Variants in SH3RF1 observed in about 807,000 individuals in gnomAD.
SH3RF1 encodes SH3 domain containing ring finger 1.
A neutral mutation model predicts 74.0 loss-of-function variants in SH3RF1; 32 were observed. That is an observed-to-expected ratio of 0.43 (90% CI 0.33 to 0.58). SH3RF1 has a LOEUF of 0.58. Ranked by LOEUF, SH3RF1 falls within the 20% of genes least tolerant of loss-of-function variation. SH3RF1 has a pLI of 0.05. For synonymous variants in SH3RF1, 396 were observed against 439.6 expected, an observed-to-expected ratio of 0.90 and a Z score of 1.24; for missense variants, 954 against 1,130.9, an observed-to-expected ratio of 0.84 and a Z score of 2.24.
chr4:169,156,482 G>A lies in SH3RF1; in HGVS notation c.591C>T (p.Pro197=), dbSNP rs769324625. 6.2e-7 allele frequency: 1 copy of A among 1,613,936 alleles called. No individual in the cohort carries two copies. Among genetic ancestry groups the A allele is most frequent in the Non-Finnish European group, 8.5e-7 (1 of 1,179,866 alleles). ...FVQIIKPLPQ[P]PPQCKALYDF... is the part of the protein sequence containing the mutation. Reference sequence around the variant, plus strand: ...CATAAAGTGCTTTGCACTGAGGTGGGGGCTGAGGTAACGGTTTAATAATCT... The same window carrying A: ...CATAAAGTGCTTTGCACTGAGGTGGAGGCTGAGGTAACGGTTTAATAATCT... The change falls in exon 3 of 12, where the codon CCC becomes CCT. Residue 197 remains proline, a synonymous_variant. Transcript: ENST00000284637.
intron 2 of SH3RF1, among the ~76,000 whole-genome samples, chr4:169,260,947 C>G (rs1731268297): frequency 6.6e-6 from 1 of 152,176 alleles, no homozygotes; most frequent in African/African-American, 2.4e-5. Context: ...ATTAAATATA[C>G]AGCTAAGGAT....
chr4:169,146,233 T>C (rs768836172), intron 4 of SH3RF1, among the ~76,000 whole-genome samples: 1 of 83,434 alleles, frequency 1.2e-5, no homozygotes, highest in Non-Finnish European at 2.5e-5. Context: ...ATATATATAC[T>C]TTTTTTTTTT....
chr4:169,178,702 A>T (rs1734461739), intron 2 of SH3RF1, among the ~76,000 whole-genome samples: 3 of 152,164 alleles, frequency 2.0e-5, no homozygotes, highest in Admixed American at 6.5e-5. Flanking sequence ...CTGAATGTAA[A>T]ACCAGTCCAA....
chr4:169,105,289 T>C (rs542903886), intron 11 of SH3RF1, among the ~76,000 whole-genome samples: 47 of 152,330 alleles, frequency 3.1e-4, no homozygotes, highest in African/African-American at 1.1e-3. Flanking sequence ...ATATAAGATA[T>C]AAAAAGAGTC....
At chr4:169,167,153 T>TA (rs1212184870) in intron 2 of SH3RF1, 1 of 155,068 alleles carries the variant, frequency 6.4e-6, no homozygotes, top group African/African-American at 2.4e-5. Context: ...CTGATAACAT[T>TA]AAAAAATAAA....
intron 2 of SH3RF1, among the ~76,000 whole-genome samples, chr4:169,204,380 T>G (rs751482117): frequency 7.9e-5 from 12 of 152,152 alleles, no homozygotes; most frequent in Non-Finnish European, 1.5e-4. Flanking sequence ...AACAACATAT[T>G]TTTATAATAA....
intron 5 of SH3RF1, among the ~76,000 whole-genome samples, chr4:169,135,637 A>C (rs967689740): frequency 6.6e-6 from 1 of 152,206 alleles, no homozygotes; most frequent in Non-Finnish European, 1.5e-5. Context: ...TGGTATACAC[A>C]GTGCCTAGAA....
intron 6 of SH3RF1, 120 bp downstream of exon 6, chr4:169,129,926 A>C: frequency 1.3e-6 from 1 of 758,042 alleles, no homozygotes; most frequent in Non-Finnish European, 2.2e-6. Flanking sequence ...GATGAAAGAT[A>C]GATACCCACC....
At chr4:169,101,554 G>A (rs2054223) in intron 11 of SH3RF1, among the ~76,000 whole-genome samples, 7,988 of 151,478 alleles carry the variant, frequency 0.053, 242 homozygotes, top group Admixed American at 0.084. Flanking sequence ...ATGACAACAT[G>A]AATGTACTCA....
intron 2 of SH3RF1, among the ~76,000 whole-genome samples, chr4:169,184,883 A>AG (rs1157331533): frequency 6.6e-6 from 1 of 152,214 alleles, no homozygotes; most frequent in African/African-American, 2.4e-5. Context: ...TACACTTGCA[A>AG]GGGATTGTCT....
chr4:169,163,873 T>A (rs944733267), intron 2 of SH3RF1, among the ~76,000 whole-genome samples: 3 of 152,212 alleles, frequency 2.0e-5, no homozygotes, highest in Admixed American at 6.5e-5. Flanking sequence ...TTCACTTGGA[T>A]TTTTATGTCT....
chr4:169,255,614 TACAC>T (rs1192993515), intron 2 of SH3RF1, among the ~76,000 whole-genome samples: 9 of 59,078 alleles, frequency 1.5e-4, no homozygotes, highest in African/African-American at 4.4e-4. Context: ...CACACATACA[TACAC>T]ACATACACAC....
chr4:169,242,016 T>C (rs573809927), intron 2 of SH3RF1, among the ~76,000 whole-genome samples: 2 of 152,316 alleles, frequency 1.3e-5, no homozygotes, highest in East Asian at 3.9e-4. Context: ...AAAGATTATA[T>C]ATATGAACAA....
chr4:169,240,812 T>C (rs1730895551), intron 2 of SH3RF1, among the ~76,000 whole-genome samples: 1 of 152,168 alleles, frequency 6.6e-6, no homozygotes, highest in African/African-American at 2.4e-5. Flanking sequence ...ATTACCATAC[T>C]TATACCGCTT....
At chr4:169,173,745 C>T (rs1221395307) in intron 2 of SH3RF1, among the ~76,000 whole-genome samples, 2 of 152,054 alleles carry the variant, frequency 1.3e-5, no homozygotes, top group African/African-American at 4.8e-5. Context: ...TAACCATTTA[C>T]AAGCTACCTT....
intron 3 of SH3RF1, 110 bp from the exon 4 acceptor site, chr4:169,155,685 A>G: frequency 1.3e-6 from 1 of 782,592 alleles, no homozygotes; most frequent in Non-Finnish European, 2.2e-6. Context: ...GAGTACATGA[A>G]TAAAAATGCT....
At chr4:169,105,807 G>A (rs572009939) in intron 11 of SH3RF1, among the ~76,000 whole-genome samples, 6 of 152,264 alleles carry the variant, frequency 3.9e-5, no homozygotes, top group African/African-American at 1.4e-4. Flanking sequence ...GATCACTTGA[G>A]CCCAGGATGT....
chr4:169,152,465 C>A (rs140290759), intron 4 of SH3RF1, among the ~76,000 whole-genome samples: 1 of 152,160 alleles, frequency 6.6e-6, no homozygotes, highest in Non-Finnish European at 1.5e-5. Context: ...TGGCTGGGTG[C>A]GGTGGCTCAC....
intron 2 of SH3RF1, among the ~76,000 whole-genome samples, chr4:169,227,594 A>G (rs992202883): frequency 1.1e-4 from 4 of 37,320 alleles, no homozygotes; most frequent in Admixed American, 4.2e-4. Flanking sequence ...TGGCAGGGGT[A>G]GCTGGGATCC....
Sources: allele counts gnomAD v4.1 joint callset (sites outside exome capture counted in the v4.1 genomes callset), GRCh38; gene constraint gnomAD v4.1.1; transcripts MANE v1.5; gene names NCBI Gene and HGNC (gene_info 2026-07-23, HGNC 2026-07-21).